The following ITGA4 variants were observed in gnomAD, a reference collection of about 807,000 sequenced individuals.
The protein encoded by ITGA4 is integrin alpha-4.
Under a neutral mutation model 133.6 loss-of-function variants are expected in ITGA4, and 63 were observed. The ratio of observed to expected loss-of-function variants is 0.47; its 90% CI spans 0.38 to 0.58. The LOEUF is 0.58. Ranked by LOEUF, ITGA4 falls within the 20% of genes least tolerant of loss-of-function variation. ITGA4 has a pLI of 0.00. For missense variants in ITGA4, 1,076 were observed against 1,252.7 expected (o/e 0.86, Z 2.13); for synonymous variants, 483 against 438.0 (o/e 1.10, Z -1.28).
intron 2 of ITGA4, among the ~76,000 whole-genome samples, chr2:181,468,087 T>A (rs1685462891): frequency 6.6e-6 from 1 of 152,218 alleles, no homozygotes. Context: ...TGCCAGGCTG[T>A]CATCCAAGCA....
intron 10 of ITGA4, among the ~76,000 whole-genome samples, chr2:181,487,107 T>G (rs557877998): frequency 3.9e-5 from 6 of 152,198 alleles, no homozygotes; most frequent in Non-Finnish European, 8.8e-5. Flanking sequence ...GTTTACTATT[T>G]TAAAACTGAA....
chr2:181,499,952 G>A (rs1686235785), intron 15 of ITGA4, among the ~76,000 whole-genome samples: 1 of 152,138 alleles, frequency 6.6e-6, no homozygotes, highest in African/African-American at 2.4e-5. Context: ...CATCGTTCCT[G>A]TAAATAAGGG....
chr2:181,470,856 C>G (rs1186665122), intron 2 of ITGA4, among the ~76,000 whole-genome samples: 1 of 152,046 alleles, frequency 6.6e-6, no homozygotes, highest in African/African-American at 2.4e-5. Context: ...GCCTAGATGA[C>G]AGAGTGAGAT....
At chr2:181,504,287 C>T (rs1335903410) in intron 15 of ITGA4, among the ~76,000 whole-genome samples, 1 of 151,994 alleles carries the variant, frequency 6.6e-6, no homozygotes, top group Admixed American at 6.6e-5. Context: ...TTTGATTTCT[C>T]AAATTTCTGA....
At chr2:181,521,049 T>G (rs185582709) in intron 17 of ITGA4, among the ~76,000 whole-genome samples, 69 of 151,974 alleles carry the variant, frequency 4.5e-4, no homozygotes, top group African/African-American at 1.4e-3. Flanking sequence ...ATGACACAAT[T>G]TAAACATTAT....
At chr2:181,488,897 G>A (rs1685982641) in intron 10 of ITGA4, among the ~76,000 whole-genome samples, 1 of 152,092 alleles carries the variant, frequency 6.6e-6, no homozygotes, top group Non-Finnish European at 1.5e-5. Context: ...CCCATGAGTA[G>A]GCGTTTTCTA....
At chr2:181,479,196 C>CCAA (rs1685747091) in intron 5 of ITGA4, 1 of 156,956 alleles carries the variant, frequency 6.4e-6, no homozygotes, top group Non-Finnish European at 1.4e-5. Flanking sequence ...GAATATCAGT[C>CCAA]TATATTTTTC....
chr2:181,457,755 A>G lies in ITGA4; in HGVS notation c.101A>G (p.Tyr34Cys). The G allele has an allele frequency of 6.2e-7, 1 of 1,613,470 alleles. No individual in the cohort carries two copies. Among genetic ancestry groups the G allele is most frequent in the East Asian group, 2.2e-5 (1 of 44,848 alleles). ...LCLGVPTGRP[Y>C]NVDTESALLY... ...CTGGGGGTCCCGACCGGCCGCCCCTACAACGTGGACACTGAGAGCGCGCTG... is the reference window on the plus strand; with the variant it reads ...CTGGGGGTCCCGACCGGCCGCCCCTGCAACGTGGACACTGAGAGCGCGCTG... The change falls in exon 1 of 28, where the codon TAC becomes TGC. Residue 34 changes from tyrosine (Y) to cysteine (C), a missense_variant. Coordinates refer to ENST00000397033, the MANE Select transcript of ITGA4 (RefSeq NM_000885.6).
At chr2:181,484,589 T>C (rs539076551) in intron 9 of ITGA4, among the ~76,000 whole-genome samples, 20 of 152,298 alleles carry the variant, frequency 1.3e-4, no homozygotes, top group African/African-American at 4.6e-4. Flanking sequence ...TAAAGATGAT[T>C]CCCAGTCATC....
chr2:181,482,255 A>C, intron 7 of ITGA4, 105 bp from the exon 8 acceptor site: 1 of 1,162,924 alleles, frequency 8.6e-7, no homozygotes, highest in East Asian at 2.6e-5. Flanking sequence ...TATTTGAGCA[A>C]TTAACTGCAA....
intron 2 of ITGA4, among the ~76,000 whole-genome samples, chr2:181,462,431 T>C (rs1685307498): frequency 6.6e-6 from 1 of 152,198 alleles, no homozygotes; most frequent in Non-Finnish European, 1.5e-5. Context: ...TAATCCTCAC[T>C]TCTACTTGAT....
In ITGA4 at chr2:181,538,053, C is replaced by T; in HGVS notation, c.*2526C>T. Reference sequence around the variant, plus strand: ...GGAACAGTTCATCCTGAAACCATTCCCCCATCCACGGAAAAATTGTCTTCC... The same window carrying T: ...GGAACAGTTCATCCTGAAACCATTCTCCCATCCACGGAAAAATTGTCTTCC... On this transcript the variant is annotated 3_prime_UTR_variant, in exon 28 of 28. Transcript: ENST00000397033. The T allele has an allele frequency of 1.4e-6, 1 of 706,532 alleles. No individual in the cohort carries two copies. The highest frequency in any genetic ancestry group is 2.6e-6 in the Non-Finnish European group (1 of 379,338). 43.8% of individuals were successfully genotyped at this position (706,532 alleles called of 1,614,324 possible). A position where few individuals can be genotyped will look rare whatever the true frequency, so the allele number is the denominator to read the frequency against.
chr2:181,473,951 G>C (rs1022725911), intron 2 of ITGA4, among the ~76,000 whole-genome samples: 1 of 152,204 alleles, frequency 6.6e-6, no homozygotes, highest in Non-Finnish European at 1.5e-5. Flanking sequence ...GGTACCTAGT[G>C]ACTAGTGTTC....
chr2:181,504,460 C>T (rs1044005155), intron 15 of ITGA4, among the ~76,000 whole-genome samples: 2 of 151,868 alleles, frequency 1.3e-5, no homozygotes, highest in Admixed American at 1.3e-4. Flanking sequence ...TTGAGCAATA[C>T]ATGCACATAG....
rs768336084 is a variant in ITGA4, at chr2:181,522,310, T to C, written c.2042T>C (p.Val681Ala). ...ACGACTCTACATGTCAAACTACCCG[T>C]GGGTCTTTATTTCATTAAGATTTTA... Reference protein sequence around the residue: ...YETTLHVKLPVGLYFIKILEL... With the variant: ...YETTLHVKLPAGLYFIKILEL... The change falls in exon 18 of 28, where the codon GTG (valine) becomes GCG (alanine). Residue 681 changes from valine to alanine, a missense_variant. Physicochemically the swap from Val to Ala is moderately conservative, Grantham distance 64 (BLOSUM62 0). Coordinates refer to ENST00000397033, the MANE Select transcript of ITGA4 (RefSeq NM_000885.6). 1 of 1,608,142 alleles carries C rather than the reference T, an allele frequency of 6.2e-7. No homozygotes were observed. Among genetic ancestry groups the C allele is most frequent in the Non-Finnish European group, 8.5e-7 (1 of 1,176,422 alleles).
intron 11 of ITGA4, among the ~76,000 whole-genome samples, chr2:181,494,065 A>C (rs1425596416): frequency 6.6e-6 from 1 of 152,196 alleles, no homozygotes; most frequent in Non-Finnish European, 1.5e-5. Context: ...AAAGAAATGT[A>C]TTTGTCTAGT....
In ITGA4 at chr2:181,481,695, AT is replaced by A; in HGVS notation, c.840+17del. On this transcript the variant is annotated intron_variant, in intron 7 of 27. Transcript: ENST00000397033. Reference sequence around the variant, plus strand: ...AGCAGATTGGTAAGGTAAGAATTACATTTTTATATTTATTTCTTCACAAAGG... The same window carrying A: ...AGCAGATTGGTAAGGTAAGAATTACATTTTATATTTATTTCTTCACAAAGG... The A allele has an allele frequency of 1.4e-6, 2 of 1,388,192 alleles. No individual in the cohort carries two copies. The highest frequency in any genetic ancestry group is 2.0e-6 in the Non-Finnish European group (2 of 984,894). The allele number at this position is 1,388,192 out of a possible 1,614,324, so 86.0% of individuals were successfully genotyped here.
rs35607432 is a variant in ITGA4 at position 181,475,806 on chromosome 2, ACT to A, written c.556+521_556+522del. On this transcript the variant is annotated intron_variant, in intron 4 of 27. Coordinates refer to ENST00000397033, the MANE Select transcript of ITGA4 (RefSeq NM_000885.6). ...AGTTTGAAACATTTTTCTCATGGTA[ACT>A]CTATGCTATAGGTAGCATCAGCAAG... 8.1e-4 allele frequency: 1,298 copies of A among 1,594,402 alleles called. 8 individuals are homozygous for A. The African/African-American group carries it at 0.016, about 19-fold the overall frequency.
At chr2:181,524,112 A>G (rs1686783909) in intron 19 of ITGA4, 59 bp from the exon 20 acceptor site, 1 of 1,129,642 alleles carries the variant, frequency 8.9e-7, no homozygotes, top group South Asian at 1.4e-5. Flanking sequence ...AAAAATTCAG[A>G]TTATAAAAAA....
Sources: gnomAD v4.1 joint callset for allele counts (sites outside exome capture counted in the v4.1 genomes callset) on GRCh38, gnomAD v4.1.1 for gene constraint, MANE v1.5 for transcripts, NCBI Gene and HGNC (gene_info 2026-07-23, HGNC 2026-07-21) for gene names.